Variants in ARPP21 observed in about 807,000 individuals in gnomAD.
The protein encoded by ARPP21 is cAMP regulated phosphoprotein 21.
In ARPP21, 69 loss-of-function variants were observed where a neutral mutation model predicts 113.2. That is an observed-to-expected ratio of 0.61 (90% CI 0.50 to 0.74). The LOEUF (loss-of-function observed/expected upper bound fraction) is 0.74. Among genes scored for constraint, ARPP21 ranks in the 30% least tolerant of loss-of-function variants. The pLI is 0.00. For synonymous variants in ARPP21, 368 were observed against 375.5 expected (o/e 0.98, Z 0.23); for missense variants, 1,070 against 1,037.4 (o/e 1.03, Z -0.43).
chr3:35,749,829 G>T (rs920524387), intron 19 of ARPP21, among the ~76,000 whole-genome samples: 2 of 151,984 alleles, frequency 1.3e-5, no homozygotes, highest in Admixed American at 1.3e-4. Context: ...CTTCCAAGTG[G>T]CTGAATTTAA....
At chr3:35,711,716 T>C (rs574052390) in intron 11 of ARPP21, among the ~76,000 whole-genome samples, 39 of 152,276 alleles carry the variant, frequency 2.6e-4, no homozygotes, top group South Asian at 6.2e-4. Flanking sequence ...ACATGATTAT[T>C]GGAAGGCCTC....
chr3:35,660,114 T>C (rs1244042406), intron 1 of ARPP21, among the ~76,000 whole-genome samples: 1 of 152,176 alleles, frequency 6.6e-6, no homozygotes, highest in Non-Finnish European at 1.5e-5. Flanking sequence ...CCTTGACTTC[T>C]TTCCCCTTTT....
intron 7 of ARPP21, among the ~76,000 whole-genome samples, chr3:35,689,623 C>T (rs1429167525): frequency 6.6e-6 from 1 of 151,424 alleles, no homozygotes; most frequent in East Asian, 1.9e-4. Context: ...TTCTGCTTTT[C>T]AGATCACAAA....
At chr3:35,789,138 A>G (rs1312136926) in intron 19 of ARPP21, among the ~76,000 whole-genome samples, 1 of 152,232 alleles carries the variant, frequency 6.6e-6, no homozygotes, top group Non-Finnish European at 1.5e-5. Flanking sequence ...AATAAATATG[A>G]AAAAGTGATA....
chr3:35,673,460 T>C (rs1414142297), intron 1 of ARPP21, among the ~76,000 whole-genome samples: 1 of 152,022 alleles, frequency 6.6e-6, no homozygotes, highest in Admixed American at 6.6e-5. Flanking sequence ...TGATTCCTTT[T>C]TAAAAGGTTT....
chr3:35,653,272 T>G (rs1232890692), intron 1 of ARPP21, among the ~76,000 whole-genome samples: 1 of 70,750 alleles, frequency 1.4e-5, no homozygotes, highest in East Asian at 3.5e-4. Flanking sequence ...GAAGGAAGAA[T>G]GAAAGAAGTT....
intron 15 of ARPP21, among the ~76,000 whole-genome samples, chr3:35,736,618 C>T (rs1216894975): frequency 6.6e-6 from 1 of 152,110 alleles, no homozygotes; most frequent in Non-Finnish European, 1.5e-5. Context: ...CCCCGGGTAT[C>T]CTTGCTTATG....
intron 11 of ARPP21, chr3:35,715,236 G>GA: frequency 1.9e-6 from 1 of 515,792 alleles, no homozygotes; most frequent in Non-Finnish European, 3.5e-6. Flanking sequence ...CGTCCTGAAG[G>GA]AAAAATACCC....
At chr3:35,684,881 A>C in intron 5 of ARPP21, 1 of 984,986 alleles carries the variant, frequency 1.0e-6, no homozygotes, top group Non-Finnish European at 1.2e-6. Flanking sequence ...GGCCATTACT[A>C]TGTTTCGTAC....
chr3:35,717,537 C>T (rs1314282629), intron 13 of ARPP21, among the ~76,000 whole-genome samples, 180 bp downstream of exon 13: 1 of 152,050 alleles, frequency 6.6e-6, no homozygotes, highest in Non-Finnish European at 1.5e-5. Context: ...AGATATGAGA[C>T]TGGAAATCTA....
chr3:35,775,700 A>G (rs542981023), intron 19 of ARPP21, among the ~76,000 whole-genome samples: 217 of 152,290 alleles, frequency 1.4e-3, no homozygotes, highest in Non-Finnish European at 2.3e-3. Flanking sequence ...TTTACAATAT[A>G]TATTAAATAT....
At chr3:35,674,397 A>G (rs17033670) in intron 1 of ARPP21, among the ~76,000 whole-genome samples, 2,327 of 152,098 alleles carry the variant, frequency 0.015, 56 homozygotes, top group African/African-American at 0.053. Flanking sequence ...ACAAGGAATC[A>G]TGAGGCCATT....
chr3:35,762,124 TCTCA>T (rs534576503), intron 19 of ARPP21, among the ~76,000 whole-genome samples: 9,887 of 140,642 alleles, frequency 0.07, 357 homozygotes, highest in Non-Finnish European at 0.1. Flanking sequence ...TCTCTCTCTC[TCTCA>T]CACACACACA....
intron 9 of ARPP21, among the ~76,000 whole-genome samples, chr3:35,705,459 T>C (rs1296364647): frequency 3.9e-5 from 6 of 152,214 alleles, no homozygotes; most frequent in Non-Finnish European, 8.8e-5. Context: ...TTCAGGTTTT[T>C]GGTTACATTT....
At chr3:35,720,714 T>A (rs1371608649) in intron 13 of ARPP21, among the ~76,000 whole-genome samples, 1 of 152,208 alleles carries the variant, frequency 6.6e-6, no homozygotes, top group Non-Finnish European at 1.5e-5. Flanking sequence ...AATGCAAATT[T>A]CGTCAAATTT....
intron 19 of ARPP21, chr3:35,774,864 T>C (rs2096308401): frequency 6.6e-6 from 1 of 152,198 alleles, no homozygotes; most frequent in African/African-American, 2.4e-5. Context: ...ATGTGATCCA[T>C]ATTTCTTTAT....
intron 13 of ARPP21, among the ~76,000 whole-genome samples, chr3:35,717,935 G>C (rs999109931): frequency 6.6e-6 from 1 of 152,046 alleles, no homozygotes; most frequent in Admixed American, 6.6e-5. Flanking sequence ...AAAGCAGAGC[G>C]ACCATACCCA....
At chr3:35,762,130 A>T (rs201692169) in intron 19 of ARPP21, among the ~76,000 whole-genome samples, 10,047 of 126,604 alleles carry the variant, frequency 0.079, 1,169 homozygotes, top group African/African-American at 0.28. Flanking sequence ...TCTCTCTCAC[A>T]CACACACACA....
At chr3:35,690,559 G>C (rs2081957060) in intron 8 of ARPP21, among the ~76,000 whole-genome samples, 1 of 151,436 alleles carries the variant, frequency 6.6e-6, no homozygotes, top group Admixed American at 6.6e-5. Flanking sequence ...CACATCATTT[G>C]TCCTGTGCCT....
Sources: allele counts gnomAD v4.1 joint callset (sites outside exome capture counted in the v4.1 genomes callset), GRCh38; gene constraint gnomAD v4.1.1; transcripts MANE v1.5; gene names NCBI Gene and HGNC (gene_info 2026-07-23, HGNC 2026-07-21).